FSTL5: variants seen among roughly 807,000 people sequenced by gnomAD.
The protein encoded by FSTL5 is follistatin like 5, also known as follistatin-related protein 5.
A neutral mutation model predicts 89.1 loss-of-function variants in FSTL5; 62 were observed. The observed-to-expected ratio is 0.70, with a 90% confidence interval of 0.57 to 0.86. The LOEUF (loss-of-function observed/expected upper bound fraction) is 0.86, where lower values mean the gene tolerates loss of function less well. Among genes scored for constraint, FSTL5 ranks in the 40% least tolerant of loss-of-function variants. FSTL5 has a pLI of 0.00. For synonymous variants in FSTL5, 383 were observed against 346.2 expected (o/e 1.11, Z -1.18); for missense variants, 1,057 against 1,001.6 (o/e 1.06, Z -0.75).
chr4:161,875,336 T>C (rs192588359), intron 4 of FSTL5, among the ~76,000 whole-genome samples: 271 of 151,826 alleles, frequency 1.8e-3, no homozygotes, highest in Non-Finnish European at 3.0e-3. Context: ...GCGGGTAGAG[T>C]CTTCCTTTGC....
chr4:161,525,570 T>C (rs893468315), intron 10 of FSTL5, among the ~76,000 whole-genome samples: 1 of 152,102 alleles, frequency 6.6e-6, no homozygotes, highest in African/African-American at 2.4e-5. Flanking sequence ...AATACTCAAT[T>C]CAAATTAAAA....
chr4:161,430,176 T>C (rs1732307907), intron 15 of FSTL5, among the ~76,000 whole-genome samples: 1 of 151,684 alleles, frequency 6.6e-6, no homozygotes. Context: ...GAAGACAGGC[T>C]ATTTGAAAAT....
At chr4:162,096,536 T>A (rs183130497) in intron 2 of FSTL5, among the ~76,000 whole-genome samples, 32 of 152,006 alleles carry the variant, frequency 2.1e-4, no homozygotes, top group Admixed American at 1.3e-3. Flanking sequence ...CATACCCAAG[T>A]AATCTTAAAG....
At chr4:162,035,267 CT>C (rs1737690914) in intron 2 of FSTL5, 1 of 152,058 alleles carries the variant, frequency 6.6e-6, no homozygotes, top group African/African-American at 2.4e-5. Flanking sequence ...AAATTGTGTC[CT>C]CATGGAGCAG....
intron 6 of FSTL5, among the ~76,000 whole-genome samples, chr4:161,695,048 T>G (rs182137750): frequency 1.6e-4 from 25 of 152,182 alleles, no homozygotes; most frequent in African/African-American, 6.0e-4. Flanking sequence ...TTTATTTTTA[T>G]TTTATTTTTC....
intron 3 of FSTL5, among the ~76,000 whole-genome samples, chr4:161,979,559 T>G (rs1735757178): frequency 6.6e-6 from 1 of 152,088 alleles, no homozygotes; most frequent in African/African-American, 2.4e-5. Flanking sequence ...CTCTCCCTCT[T>G]TCATTTCCTC....
intron 2 of FSTL5, among the ~76,000 whole-genome samples, chr4:162,089,056 A>C (rs1579017736): frequency 6.6e-6 from 1 of 152,036 alleles, no homozygotes; most frequent in Non-Finnish European, 1.5e-5. Flanking sequence ...TTTCATTATT[A>C]TGAGACTGGG....
intron 4 of FSTL5, among the ~76,000 whole-genome samples, chr4:161,848,046 A>AC (rs1289624596): frequency 6.8e-6 from 1 of 147,894 alleles, no homozygotes; most frequent in Admixed American, 6.7e-5. Flanking sequence ...CAAAAAAAAA[A>AC]AAAAAAAAAA....
intron 10 of FSTL5, among the ~76,000 whole-genome samples, chr4:161,518,796 G>A (rs536294384): frequency 2.0e-5 from 3 of 152,294 alleles, no homozygotes; most frequent in African/African-American, 7.2e-5. Context: ...CAAACTTAGT[G>A]GCTTAAAACA....
At chr4:161,393,271 T>C (rs73859971) in intron 15 of FSTL5, among the ~76,000 whole-genome samples, 1 of 151,620 alleles carries the variant, frequency 6.6e-6, no homozygotes, top group African/African-American at 2.4e-5. Flanking sequence ...GAAAAAAAAA[T>C]TTATGAAGAA....
intron 3 of FSTL5, among the ~76,000 whole-genome samples, chr4:162,016,317 T>C (rs1173244571): frequency 1.3e-5 from 2 of 152,172 alleles, no homozygotes; most frequent in Non-Finnish European, 2.9e-5. Context: ...TTGATAAAAA[T>C]AGACTGTGAT....
chr4:161,719,128 G>A (rs35321891), intron 6 of FSTL5, among the ~76,000 whole-genome samples: 16,619 of 152,144 alleles, frequency 0.11, 923 homozygotes, highest in Middle Eastern at 0.17. Flanking sequence ...TTACATAAAT[G>A]CATGAGATAA....
chr4:161,549,151 A>G (rs1732110590), intron 8 of FSTL5, among the ~76,000 whole-genome samples: 1 of 151,752 alleles, frequency 6.6e-6, no homozygotes, highest in African/African-American at 2.4e-5. Flanking sequence ...CGTCATTTAG[A>G]CATTTTGATT....
chr4:162,101,191 G>C (rs949637754), intron 2 of FSTL5, among the ~76,000 whole-genome samples: 1 of 152,142 alleles, frequency 6.6e-6, no homozygotes, highest in South Asian at 2.1e-4. Flanking sequence ...AGCAAACTTT[G>C]CATTGGCTCT....
chr4:161,748,304 A>G (rs1375583686), intron 6 of FSTL5, among the ~76,000 whole-genome samples: 1 of 152,182 alleles, frequency 6.6e-6, no homozygotes, highest in African/African-American at 2.4e-5. Context: ...ATGACATGTT[A>G]AAGTATTTTG....
intron 12 of FSTL5, among the ~76,000 whole-genome samples, chr4:161,491,935 C>T (rs1329720573): frequency 1.3e-5 from 2 of 151,746 alleles, no homozygotes; most frequent in African/African-American, 4.8e-5. Context: ...TATAGTTCTG[C>T]TGCCAGTAGT....
In FSTL5 at chr4:161,538,201, G is replaced by A. The variant is rs765559859; in HGVS notation, c.1277C>T (p.Ser426Phe). 1 of 1,614,020 alleles carries A rather than the reference G, an allele frequency of 6.2e-7. No homozygotes were observed. The highest frequency in any genetic ancestry group is 8.5e-7 in the Non-Finnish European group (1 of 1,179,940). The change falls in exon 10 of 16, where the codon TCT becomes TTT. Residue 426 changes from serine (S) to phenylalanine (F), a missense_variant. Transcript: ENST00000306100. ...KNEAGVDEDI[S>F]SLFVEDSARK... Reference sequence around the variant, plus strand: ...AGCAGAGTCTTCCACAAAAAGAGAAGAGATGTCTTCATCCACTCCTGCTTC... The same window carrying A: ...AGCAGAGTCTTCCACAAAAAGAGAAAAGATGTCTTCATCCACTCCTGCTTC...
intron 6 of FSTL5, among the ~76,000 whole-genome samples, chr4:161,702,802 C>T (rs1738442099): frequency 6.6e-6 from 1 of 152,194 alleles, no homozygotes; most frequent in South Asian, 2.1e-4. Context: ...CAAAGCTGAG[C>T]TCCACTTCCC....
chr4:161,967,724 A>C (rs1404301694), intron 3 of FSTL5, among the ~76,000 whole-genome samples: 1 of 151,948 alleles, frequency 6.6e-6, no homozygotes, highest in Non-Finnish European at 1.5e-5. Flanking sequence ...TTCTTTCTAA[A>C]GTCATTTATC....
Sources: gnomAD v4.1 joint callset for allele counts (sites outside exome capture counted in the v4.1 genomes callset) on GRCh38, gnomAD v4.1.1 for gene constraint, MANE v1.5 for transcripts, NCBI Gene and HGNC (gene_info 2026-07-23, HGNC 2026-07-21) for gene names.